The following SORCS3 variants were observed in gnomAD, a reference collection of about 807,000 sequenced individuals.
The protein encoded by SORCS3 is VPS10 domain-containing receptor SorCS3.
In SORCS3, 57 loss-of-function variants were observed where a neutral mutation model predicts 146.3. That is an observed-to-expected ratio of 0.39 (90% CI 0.31 to 0.49). SORCS3 has a LOEUF of 0.49. Among genes scored for constraint, SORCS3 ranks in the 20% least tolerant of loss-of-function variants. The pLI is 0.92. For missense variants in SORCS3, 1,341 were observed against 1,575.5 expected, an observed-to-expected ratio of 0.85 and a Z score of 2.52; for synonymous variants, 653 against 618.5, an observed-to-expected ratio of 1.06 and a Z score of -0.83.
intron 1 of SORCS3, among the ~76,000 whole-genome samples, chr10:104,827,631 A>G (rs974712833): frequency 6.6e-6 from 1 of 152,124 alleles, no homozygotes; most frequent in African/African-American, 2.4e-5. Flanking sequence ...TGGAATGGTA[A>G]GTGAGCACTG....
intron 1 of SORCS3, among the ~76,000 whole-genome samples, chr10:104,819,756 T>C (rs964232876): frequency 2.0e-5 from 3 of 152,160 alleles, no homozygotes; most frequent in Non-Finnish European, 2.9e-5. Flanking sequence ...ATCTAAGCCT[T>C]GCCAGGTGCA....
At chr10:104,642,938 G>C (rs953418977) in intron 1 of SORCS3, among the ~76,000 whole-genome samples, 2 of 152,174 alleles carry the variant, frequency 1.3e-5, no homozygotes, top group African/African-American at 4.8e-5. Context: ...GCAGCGGCCC[G>C]CAGCGCGTGC....
intron 1 of SORCS3, among the ~76,000 whole-genome samples, chr10:104,718,660 A>G (rs937522327): frequency 6.6e-6 from 1 of 152,214 alleles, no homozygotes; most frequent in African/African-American, 2.4e-5. Context: ...AATAGATTGC[A>G]GTAATGGGCC....
chr10:105,197,981 C>T (rs150322734), intron 14 of SORCS3, among the ~76,000 whole-genome samples: 27 of 152,250 alleles, frequency 1.8e-4, no homozygotes, highest in Middle Eastern at 3.4e-3. Context: ...CTCACACCTC[C>T]CTCTTGGTTG....
At chr10:104,740,849 G>A (rs1286448415) in intron 1 of SORCS3, among the ~76,000 whole-genome samples, 2 of 151,966 alleles carry the variant, frequency 1.3e-5, no homozygotes, top group African/African-American at 2.4e-5. Context: ...TCTATTAGTT[G>A]GCCTTATTAG....
intron 1 of SORCS3, among the ~76,000 whole-genome samples, chr10:104,785,289 C>A (rs1463361923): frequency 2.8e-5 from 4 of 145,222 alleles, no homozygotes; most frequent in Non-Finnish European, 6.0e-5. Flanking sequence ...TACCCCCAAC[C>A]CTGTGCTCTC....
At chr10:105,226,493 T>A (rs2056734780) in intron 20 of SORCS3, among the ~76,000 whole-genome samples, 1 of 152,036 alleles carries the variant, frequency 6.6e-6, no homozygotes, top group Non-Finnish European at 1.5e-5. Flanking sequence ...CCTATATTCA[T>A]CGAGCCTATT....
intron 13 of SORCS3, among the ~76,000 whole-genome samples, chr10:105,174,527 A>C (rs1004195396): frequency 6.6e-6 from 1 of 151,838 alleles, no homozygotes; most frequent in African/African-American, 2.4e-5. Flanking sequence ...TTCTAATGTT[A>C]TTTTTTTTGG....
At position 105,003,068 on chromosome 10, in the gene SORCS3, C is replaced by A. The variant is rs1308868409; in HGVS notation, c.954+25575C>A. Among the ~76,000 whole-genome samples, 7 of 152,070 alleles carry A rather than the reference C, an allele frequency of 4.6e-5. No individual in the cohort carries two copies. In the East Asian group the frequency reaches 1.4e-3, roughly 29 times the overall value. On this transcript the variant is annotated intron_variant, in intron 4 of 26. Transcript: ENST00000369701. ...TGCATGGTGGCACTGGGAAGTAAAC[C>A]CTGACAGCTGGGATCTGGAATCAGG...
At chr10:105,026,074 G>A (rs538661803) in intron 4 of SORCS3, among the ~76,000 whole-genome samples, 153 of 152,032 alleles carry the variant, frequency 1.0e-3, no homozygotes, top group Non-Finnish European at 1.8e-3. Context: ...TCCCGGATGC[G>A]ATCAGTTCTC....
chr10:105,089,251 A>G (rs1161712156), intron 5 of SORCS3, among the ~76,000 whole-genome samples: 1 of 152,214 alleles, frequency 6.6e-6, no homozygotes, highest in African/African-American at 2.4e-5. Context: ...TCAAGGCAGG[A>G]ATAAAGAAGG....
At chr10:104,691,489 T>C (rs1241160290) in intron 1 of SORCS3, among the ~76,000 whole-genome samples, 1 of 152,220 alleles carries the variant, frequency 6.6e-6, no homozygotes, top group Non-Finnish European at 1.5e-5. Flanking sequence ...ATTCGCCCAA[T>C]GTGGGCCATT....
intron 22 of SORCS3, among the ~76,000 whole-genome samples, chr10:105,248,139 C>G (rs1384377502): frequency 6.6e-6 from 1 of 152,188 alleles, no homozygotes; most frequent in Admixed American, 6.5e-5. Context: ...TTTTGTTAAA[C>G]ATTTTCTCAG....
chr10:104,905,775 G>A (rs1007450001), intron 2 of SORCS3, among the ~76,000 whole-genome samples: 7 of 152,160 alleles, frequency 4.6e-5, no homozygotes, highest in Non-Finnish European at 1.0e-4. Context: ...GAAAGCAGAG[G>A]CAGGTGAGAT....
At chr10:104,798,401 C>A (rs1231625220) in intron 1 of SORCS3, among the ~76,000 whole-genome samples, 1 of 152,036 alleles carries the variant, frequency 6.6e-6, no homozygotes, top group African/African-American at 2.4e-5. Context: ...CTTCTATAAA[C>A]CCCATATTTC....
chr10:105,228,395 TTC>T (rs908053478), intron 20 of SORCS3, among the ~76,000 whole-genome samples: 11 of 151,756 alleles, frequency 7.2e-5, no homozygotes, highest in East Asian at 1.9e-4. Flanking sequence ...CTCTCTTTCC[TTC>T]TGTTTCTTCT....
At chr10:104,714,573 G>A (rs1306692095) in intron 1 of SORCS3, among the ~76,000 whole-genome samples, 1 of 152,010 alleles carries the variant, frequency 6.6e-6, no homozygotes, top group African/African-American at 2.4e-5. Context: ...ATCTTTTTGT[G>A]GTTATTGGTT....
At chr10:105,077,715 T>C (rs1371296618) in intron 5 of SORCS3, among the ~76,000 whole-genome samples, 1 of 152,230 alleles carries the variant, frequency 6.6e-6, no homozygotes, top group African/African-American at 2.4e-5. Flanking sequence ...TATCCAAGAC[T>C]AATTGCTTCA....
At chr10:105,253,835 A>G (rs970706642) in intron 23 of SORCS3, among the ~76,000 whole-genome samples, 2 of 152,230 alleles carry the variant, frequency 1.3e-5, no homozygotes, top group Non-Finnish European at 2.9e-5. Context: ...AGGGTTGCAT[A>G]TTGAAGTTGG....
Sources: gnomAD v4.1 joint callset for allele counts (sites outside exome capture counted in the v4.1 genomes callset) on GRCh38, gnomAD v4.1.1 for gene constraint, MANE v1.5 for transcripts, NCBI Gene and HGNC (gene_info 2026-07-23, HGNC 2026-07-21) for gene names.